POGLUT3: variants seen among roughly 807,000 people sequenced by gnomAD.
POGLUT3 encodes the protein KDEL (Lys-Asp-Glu-Leu) containing 2.
Under a neutral mutation model 54.3 loss-of-function variants are expected in POGLUT3, and 48 were observed. The observed-to-expected ratio is 0.88, with a 90% CI of 0.70 to 1.12. POGLUT3 has a LOEUF of 1.12. POGLUT3 is among the 50% of genes most tolerant of loss of function. POGLUT3 has a pLI of 0.00. For missense variants in POGLUT3, 629 were observed against 618.7 expected (o/e 1.02, Z -0.18); for synonymous variants, 218 against 237.4 (o/e 0.92, Z 0.75).
chr11:108,498,090 CGG>C, intron 1 of POGLUT3, 73 bp downstream of exon 1: 1 of 1,308,760 alleles, frequency 7.6e-7, no homozygotes, highest in Non-Finnish European at 1.0e-6. Context: ...ACGCAGGCCG[CGG>C]GCGGACTCCC....
At chr11:108,479,138 G>A (rs2093587652) in intron 6 of POGLUT3, among the ~76,000 whole-genome samples, 163 bp downstream of exon 6, 1 of 152,144 alleles carries the variant, frequency 6.6e-6, no homozygotes, top group Non-Finnish European at 1.5e-5. Context: ...TATGCAAAAT[G>A]ATTCTGATGC....
Position 108,486,294 on chromosome 11 carries a change from G to A in POGLUT3, c.547C>T (p.Pro183Ser), listed in dbSNP as rs200282748. The part of the protein sequence containing the change: ...INLQQMLKEV[P>S]KRFGDERGAI... ...CCTCTCTCATCCCCAAACCTTTTGG[G>A]GACTTCTTTTAGCATTTGCTGGAGA... The change falls in exon 3 of 8, where the codon CCC (proline) becomes TCC (serine). Residue 183 changes from proline to serine, a missense_variant. Coordinates refer to ENST00000323468, the MANE Select transcript of POGLUT3 (RefSeq NM_153705.5). 1.5e-4 allele frequency: 243 copies of A among 1,613,914 alleles called. No individual in the cohort carries two copies. Among genetic ancestry groups the A allele is most frequent in the Non-Finnish European group, 2.0e-4 (232 of 1,180,010 alleles).
At chr11:108,493,166 G>C (rs2093616147) in intron 1 of POGLUT3, among the ~76,000 whole-genome samples, 2 of 152,190 alleles carry the variant, frequency 1.3e-5, no homozygotes, top group Non-Finnish European at 1.5e-5. Context: ...TAAATTGAAA[G>C]TATCAGACTA....
rs749265789 is a variant in POGLUT3 at position 108,483,461 on chromosome 11, C to T, written c.685-1239G>A. ...GGTACTTAATTCTCTTGAGGCCTAT[C>T]ATCATATTGGGATATAATTATTTGT... is the stretch of plus-strand genomic sequence containing the variant. On this transcript the variant is annotated intron_variant, in intron 3 of 7. Coordinates refer to ENST00000323468, the MANE Select transcript of POGLUT3 (RefSeq NM_153705.5). 1.6e-4 allele frequency among the ~76,000 whole-genome samples: 24 copies of T among 152,162 alleles called. 1 individual carries two copies. The highest frequency in any genetic ancestry group is 3.2e-3 in the Middle Eastern group (1 of 316).
At chr11:108,479,102 A>T (rs1174443704) in intron 6 of POGLUT3, among the ~76,000 whole-genome samples, 199 bp downstream of exon 6, 1 of 152,238 alleles carries the variant, frequency 6.6e-6, no homozygotes, top group Non-Finnish European at 1.5e-5. Flanking sequence ...AATCTTCTGA[A>T]AATCTTCAAA....
intron 2 of POGLUT3, chr11:108,486,699 A>C: frequency 2.3e-6 from 1 of 438,730 alleles, no homozygotes; most frequent in Non-Finnish European, 4.1e-6. Flanking sequence ...ATTCATCTCT[A>C]ATAAGGTATA....
Position 108,481,353 on chromosome 11 carries a change from CT to C in POGLUT3, c.924del (p.Glu309ArgfsTer28). On this transcript the variant is annotated frameshift_variant, in exon 5 of 8. Transcript: ENST00000323468. LOFTEE classifies it high-confidence loss of function. The part of the protein sequence containing the change: ...GNTGPSWINK[T>X]ERAFFRGRDS... ...TCTCTACCTCTGAAGAAAGCTCTCT[CT>C]GTTTTATTGATCCAGGAAGGCCCTA... The C allele has an allele frequency of 6.3e-7, 1 of 1,584,162 alleles. No individual in the cohort carries two copies. Among genetic ancestry groups the C allele is most frequent in the Non-Finnish European group, 8.5e-7 (1 of 1,172,122 alleles).
At chr11:108,488,597 G>A (rs1452736588) in intron 2 of POGLUT3, among the ~76,000 whole-genome samples, 1 of 152,174 alleles carries the variant, frequency 6.6e-6, no homozygotes, top group Non-Finnish European at 1.5e-5. Flanking sequence ...GAACGTTAGA[G>A]ATCTATAGAA....
intron 5 of POGLUT3, among the ~76,000 whole-genome samples, chr11:108,480,082 CGCCTCA>C (rs1289272908): frequency 1.3e-5 from 2 of 152,162 alleles, no homozygotes; most frequent in African/African-American, 2.4e-5. Flanking sequence ...GTGATTCGCC[CGCCTCA>C]GCCTCCCAAA....
At chr11:108,494,461 T>C (rs754147224) in intron 1 of POGLUT3, among the ~76,000 whole-genome samples, 30 of 152,226 alleles carry the variant, frequency 2.0e-4, no homozygotes, top group Non-Finnish European at 4.0e-4. Flanking sequence ...ACGACAATCA[T>C]ATTAAGGATG....
intron 3 of POGLUT3, among the ~76,000 whole-genome samples, chr11:108,484,232 T>C (rs2093598420): frequency 6.6e-6 from 1 of 152,134 alleles, no homozygotes; most frequent in Non-Finnish European, 1.5e-5. Context: ...AATCTACTGC[T>C]ATGAAGCCAG....
chr11:108,479,014 T>C (rs1295835782), intron 6 of POGLUT3, among the ~76,000 whole-genome samples: 1 of 152,222 alleles, frequency 6.6e-6, no homozygotes, highest in African/African-American at 2.4e-5. Context: ...AGTCAGTAAT[T>C]TGCATTTTGT....
At chr11:108,482,295 G>A (rs1450713710) in intron 3 of POGLUT3, 73 bp from the exon 4 acceptor site, 1 of 1,039,228 alleles carries the variant, frequency 9.6e-7, no homozygotes, top group South Asian at 1.6e-5. Context: ...ACAGTTCTTT[G>A]GTTTTCTTAC....
At chr11:108,481,114 T>C in intron 5 of POGLUT3, 66 bp downstream of exon 5, 1 of 1,301,110 alleles carries the variant, frequency 7.7e-7, no homozygotes, top group African/African-American at 1.5e-5. Flanking sequence ...GAAGCCCACC[T>C]ATTTTGGTAG....
intron 4 of POGLUT3, among the ~76,000 whole-genome samples, chr11:108,481,730 AAAG>A (rs200503348): frequency 0.064 from 9,731 of 152,230 alleles, 396 homozygotes; most frequent in Admixed American, 0.093. Context: ...TCAAAGCAAA[AAAG>A]AGATTCAGTG....
intron 7 of POGLUT3, among the ~76,000 whole-genome samples, chr11:108,476,546 T>C (rs1174730341): frequency 1.3e-5 from 2 of 152,232 alleles, no homozygotes; most frequent in African/African-American, 2.4e-5. Flanking sequence ...ATCATTTTTA[T>C]TTTTCTATGA....
chr11:108,496,732 C>A (rs1168041150), intron 1 of POGLUT3, among the ~76,000 whole-genome samples: 1 of 152,158 alleles, frequency 6.6e-6, no homozygotes, highest in Admixed American at 6.5e-5. Context: ...AGAAAACAAG[C>A]CACTGAGGTA....
chr11:108,477,282 A>G (rs1190324112), intron 7 of POGLUT3, among the ~76,000 whole-genome samples: 2 of 152,052 alleles, frequency 1.3e-5, no homozygotes, highest in Non-Finnish European at 2.9e-5. Context: ...TGTACCTGTA[A>G]TCCCAGCTAC....
Position 108,491,039 on chromosome 11 carries a change from C to T in POGLUT3, c.331G>A (p.Asp111Asn), listed in dbSNP as rs772803484. The change falls in exon 2 of 8, where the codon GAT becomes AAT. Residue 111 changes from aspartate (D) to asparagine (N), a missense_variant. Coordinates refer to ENST00000323468, the MANE Select transcript of POGLUT3 (RefSeq NM_153705.5). ...AGGACCTCTATCTTCAGGCCTTCATCGACAGTTTCATACATCCTATATCTC... is the reference window on the plus strand; with the variant it reads ...AGGACCTCTATCTTCAGGCCTTCATTGACAGTTTCATACATCCTATATCTC... The part of the protein sequence containing the change: ...LMRYRMYETV[D>N]EGLKIEVLYG... 1.9e-6 allele frequency: 3 copies of T among 1,614,006 alleles called. No homozygotes were observed. The highest frequency in any genetic ancestry group is 1.1e-5 in the South Asian group (1 of 91,082).
Sources: allele counts gnomAD v4.1 joint callset (sites outside exome capture counted in the v4.1 genomes callset), GRCh38; gene constraint gnomAD v4.1.1; transcripts MANE v1.5; gene names NCBI Gene and HGNC (gene_info 2026-07-23, HGNC 2026-07-21).